Variants in CMSS1 observed in about 807,000 individuals in gnomAD.
The protein encoded by CMSS1 is protein CMSS1.
A neutral mutation model predicts 43.5 loss-of-function variants in CMSS1; 33 were observed. The ratio of observed to expected loss-of-function variants is 0.76; its 90% confidence interval spans 0.57 to 1.01. The LOEUF (loss-of-function observed/expected upper bound fraction) is 1.01. Ranked by LOEUF, CMSS1 falls within the 50% of genes least tolerant of loss-of-function variation. CMSS1 has a pLI of 0.00. For synonymous variants in CMSS1, 115 were observed against 117.2 expected, an observed-to-expected ratio of 0.98 and a Z score of 0.12; for missense variants, 313 against 326.4, an observed-to-expected ratio of 0.96 and a Z score of 0.32.
At chr3:100,010,154 A>G in intron 1 of CMSS1, 9 of 973,212 alleles carry the variant, frequency 9.2e-6, no homozygotes, top group Non-Finnish European at 9.8e-6. Flanking sequence ...TTGGAGCCAC[A>G]TTTCATTTGA....
intron 1 of CMSS1, among the ~76,000 whole-genome samples, chr3:100,096,386 T>C (rs62285476): frequency 0.066 from 10,063 of 152,116 alleles, 399 homozygotes; most frequent in Middle Eastern, 0.086. Flanking sequence ...GATGAATGGA[T>C]AAAGAAAATG....
chr3:99,884,264 C>G (rs920556769), intron 1 of CMSS1, among the ~76,000 whole-genome samples: 11 of 152,250 alleles, frequency 7.2e-5, no homozygotes, highest in African/African-American at 2.6e-4. Context: ...CCTTCTTTCT[C>G]CTTGTCTTCT....
intron 1 of CMSS1, among the ~76,000 whole-genome samples, chr3:99,997,996 C>T (rs1258020638): frequency 1.3e-5 from 2 of 152,198 alleles, no homozygotes; most frequent in African/African-American, 2.4e-5. Context: ...CAGGTTCCTG[C>T]TAGAGCATAG....
chr3:99,990,439 G>A (rs1411308811), intron 1 of CMSS1, among the ~76,000 whole-genome samples: 1 of 152,118 alleles, frequency 6.6e-6, no homozygotes, highest in African/African-American at 2.4e-5. Flanking sequence ...ATAACAAAGT[G>A]AACACTAAAT....
intron 1 of CMSS1, among the ~76,000 whole-genome samples, chr3:100,116,147 A>T (rs2066567075): frequency 6.6e-6 from 1 of 152,198 alleles, no homozygotes; most frequent in Non-Finnish European, 1.5e-5. Context: ...CACTTGCTTA[A>T]GGTGGTATCT....
chr3:99,881,128 C>CCCTT (rs1367278269), intron 1 of CMSS1, among the ~76,000 whole-genome samples: 1 of 152,056 alleles, frequency 6.6e-6, no homozygotes, highest in East Asian at 1.9e-4. Flanking sequence ...AGACTTCCTA[C>CCCTT]CCTTGGTTTA....
At chr3:99,998,606 A>G (rs1313039532) in intron 1 of CMSS1, among the ~76,000 whole-genome samples, 1 of 152,204 alleles carries the variant, frequency 6.6e-6, no homozygotes, top group African/African-American at 2.4e-5. Context: ...TCCAGCACCC[A>G]TGCTGGAGTG....
chr3:100,007,257 CT>C (rs1710014347), intron 1 of CMSS1, among the ~76,000 whole-genome samples: 1 of 152,150 alleles, frequency 6.6e-6, no homozygotes, highest in African/African-American at 2.4e-5. Flanking sequence ...CTCAGACATA[CT>C]CTTTTTAGCT....
chr3:99,909,842 G>T (rs1368914961), intron 1 of CMSS1, among the ~76,000 whole-genome samples: 1 of 152,144 alleles, frequency 6.6e-6, no homozygotes, highest in Admixed American at 6.5e-5. Context: ...GAGAGTAGGT[G>T]ATGAAAGTCA....
chr3:100,178,840 G>T lies in CMSS1; in HGVS notation c.*452G>T, dbSNP rs1196010287. On this transcript the variant is annotated 3_prime_UTR_variant, in exon 10 of 10. Coordinates refer to ENST00000421999, the MANE Select transcript of CMSS1 (RefSeq NM_032359.4). ...ATGGTCCCAGCAAAAAGGGTGGCAG[G>T]TATATTAATCCATTCTCACATTGCT... 1 of 158,462 alleles carries T rather than the reference G, an allele frequency of 6.3e-6. No individual in the cohort carries two copies. The highest frequency in any genetic ancestry group is 6.0e-5 in the Admixed American group (1 of 16,646). The allele number at this position is 158,462 out of a possible 1,614,324, so 9.8% of individuals were successfully genotyped here. A position where few individuals can be genotyped will look rare whatever the true frequency, so the allele number is the denominator to read the frequency against.
chr3:99,950,875 AAGAG>A (rs1346176576), intron 1 of CMSS1, among the ~76,000 whole-genome samples: 1 of 152,160 alleles, frequency 6.6e-6, no homozygotes, highest in African/African-American at 2.4e-5. Flanking sequence ...GAGAGAAAGA[AAGAG>A]AGAAAAACTG....
At chr3:100,121,732 C>A (rs1321355756) in intron 1 of CMSS1, among the ~76,000 whole-genome samples, 1 of 152,112 alleles carries the variant, frequency 6.6e-6, no homozygotes, top group Admixed American at 6.5e-5. Context: ...AATGGTTGAA[C>A]TAATTTACAC....
At position 100,164,443 on chromosome 3, in the gene CMSS1, C is replaced by T. The variant is rs529344572; in HGVS notation, c.356-1892C>T. Among the ~76,000 whole-genome samples, 6 of 152,194 alleles carry T rather than the reference C, an allele frequency of 3.9e-5. No individual in the cohort carries two copies. The South Asian group carries it at 1.2e-3, about 32-fold the overall frequency. Reference sequence around the variant, plus strand: ...AACTTTTAAGGAGTCATTTGAGTTCCATAGTGAATTTGTTTGGTATTATTG... The same window carrying T: ...AACTTTTAAGGAGTCATTTGAGTTCTATAGTGAATTTGTTTGGTATTATTG... On this transcript the variant is annotated intron_variant, in intron 4 of 9. Coordinates refer to ENST00000421999, the MANE Select transcript of CMSS1 (RefSeq NM_032359.4).
intron 1 of CMSS1, chr3:99,964,286 T>C (rs1218856808): frequency 6.6e-6 from 1 of 150,790 alleles, no homozygotes; most frequent in Non-Finnish European, 1.5e-5. Flanking sequence ...TCCATGAGAA[T>C]AGGGACAGTG....
chr3:100,090,528 C>A (rs9824430), intron 1 of CMSS1, among the ~76,000 whole-genome samples: 1 of 152,038 alleles, frequency 6.6e-6, no homozygotes, highest in Non-Finnish European at 1.5e-5. Flanking sequence ...CTTGCCCAGG[C>A]CCTCCCAGTG....
chr3:99,994,164 T>C (rs1219910839), intron 1 of CMSS1, among the ~76,000 whole-genome samples: 1 of 152,176 alleles, frequency 6.6e-6, no homozygotes, highest in African/African-American at 2.4e-5. Flanking sequence ...TCATTATTGG[T>C]CTGTTCAGGA....
Position 100,179,709 on chromosome 3 carries a change from T to C in CMSS1, c.*1321T>C, listed in dbSNP as rs1392071250. Reference sequence around the variant, plus strand: ...GCCTACAGCATATCCAGGTACACAGTGTAAGCTGTCAGTGGATCTACCATT... The same window carrying C: ...GCCTACAGCATATCCAGGTACACAGCGTAAGCTGTCAGTGGATCTACCATT... On this transcript the variant is annotated 3_prime_UTR_variant, in exon 10 of 10. Coordinates refer to ENST00000421999, the MANE Select transcript of CMSS1 (RefSeq NM_032359.4). The C allele has an allele frequency of 6.6e-6, 1 of 152,420 alleles. No homozygotes were observed. Among genetic ancestry groups the C allele is most frequent in the Non-Finnish European group, 1.5e-5 (1 of 68,218 alleles). The allele number at this position is 152,420 out of a possible 1,614,324, so 9.4% of individuals were successfully genotyped here. A position where few individuals can be genotyped will look rare whatever the true frequency, so the allele number is the denominator to read the frequency against.
intron 1 of CMSS1, among the ~76,000 whole-genome samples, chr3:99,916,910 A>G (rs1188241392): frequency 6.6e-6 from 1 of 152,226 alleles, no homozygotes; most frequent in South Asian, 2.1e-4. Context: ...ACTTGCCAGG[A>G]AAGTTTACCT....
chr3:99,997,888 A>C (rs181393674), intron 1 of CMSS1, among the ~76,000 whole-genome samples: 2 of 152,352 alleles, frequency 1.3e-5, no homozygotes, highest in East Asian at 3.9e-4. Context: ...CTAAAGTATA[A>C]TGCATTTTGA....
Sources: allele counts gnomAD v4.1 joint callset (sites outside exome capture counted in the v4.1 genomes callset), GRCh38; gene constraint gnomAD v4.1.1; transcripts MANE v1.5; gene names NCBI Gene and HGNC (gene_info 2026-07-23, HGNC 2026-07-21).